Variants in C2CD2 observed in about 807,000 individuals in gnomAD.
C2CD2 encodes C2 calcium dependent domain containing 2, also known as C2 domain-containing protein 2.
C2CD2 carries 43 observed loss-of-function variants against 74.3 expected under a neutral mutation model. The observed-to-expected ratio is 0.58, with a 90% CI of 0.45 to 0.75. The LOEUF (loss-of-function observed/expected upper bound fraction) is 0.75, where lower values mean the gene tolerates loss of function less well. Among genes scored for constraint, C2CD2 ranks in the 30% least tolerant of loss-of-function variants. The probability of loss-of-function intolerance (pLI) is 0.00; values close to 1 mark genes in which losing one functional copy is unlikely to be tolerated. For missense variants in C2CD2, 801 were observed against 916.3 expected, an observed-to-expected ratio of 0.87 and a Z score of 1.63; for synonymous variants, 422 against 390.7, an observed-to-expected ratio of 1.08 and a Z score of -0.94.
chr21:41,911,786 A>G (rs1457245619), intron 7 of C2CD2, among the ~76,000 whole-genome samples: 1 of 151,552 alleles, frequency 6.6e-6, no homozygotes, highest in Non-Finnish European at 1.5e-5. Flanking sequence ...GCTCTCCCAG[A>G]CTCAAGCAAT....
intron 13 of C2CD2, among the ~76,000 whole-genome samples, chr21:41,893,787 C>T (rs989386645): frequency 1.3e-5 from 2 of 150,690 alleles, no homozygotes; most frequent in African/African-American, 2.4e-5. Flanking sequence ...CTGCAACCTC[C>T]GCCTCCCAGG....
At chr21:41,913,191 TACACCAGACAG>T (rs11276275) in intron 6 of C2CD2, among the ~76,000 whole-genome samples, 21,034 of 152,230 alleles carry the variant, frequency 0.14, 1,714 homozygotes, top group Middle Eastern at 0.29. Context: ...TTTCCCGACT[TACACCAGACAG>T]GTGCTGTACC....
chr21:41,905,469 C>T (rs2064949722), intron 11 of C2CD2, among the ~76,000 whole-genome samples: 1 of 152,160 alleles, frequency 6.6e-6, no homozygotes, highest in Non-Finnish European at 1.5e-5. Context: ...TGGCATGCGC[C>T]ACCACGCCCA....
rs116743178 is a variant in C2CD2, at chr21:41,899,234, G to C, written c.1689C>G (p.Ala563=). ...GGGCAAGGGATGCCTGGGCTGACTC[G>C]GCTTCCTCTGGCGGGGCAGAGGCTG... ...RAAASAPPEE[A]ESAQASLAPK... Residue 563 remains alanine, a synonymous_variant, in exon 13 of 14, where the codon GCC becomes GCG. Transcript: ENST00000380486. The surrounding 1 kb of genome is among the most constrained non-coding windows in gnomAD (Gnocchi z 4.4). The C allele has an allele frequency of 3.1e-6, 5 of 1,612,296 alleles. No homozygotes were observed. The highest frequency in any genetic ancestry group is 1.7e-4 in the Middle Eastern group (1 of 6,058).
chr21:41,900,638 T>C (rs1430949771), intron 12 of C2CD2, among the ~76,000 whole-genome samples: 2 of 152,164 alleles, frequency 1.3e-5, no homozygotes, highest in Non-Finnish European at 2.9e-5. Context: ...CTCTGGCACC[T>C]CCAAGGTCCT....
At position 41,899,882 on chromosome 21, in the gene C2CD2, G is replaced by C. The variant is rs1299517239; in HGVS notation, c.1561-520C>G. Among the ~76,000 whole-genome samples, 1 of 151,862 alleles carries C rather than the reference G, an allele frequency of 6.6e-6. No homozygotes were observed. Among genetic ancestry groups the C allele is most frequent in the Non-Finnish European group, 1.5e-5 (1 of 67,966 alleles). ...CTGAGAGTCGGGATAGCGCTTCCTT[G>C]GAGGGGGGAAAGTTTGGGGAGGAGG... On this transcript the variant is annotated intron_variant, in intron 12 of 13. Transcript: ENST00000380486. This position sits in a 1 kb window ranked among gnomAD's most constrained non-coding sequence, Gnocchi z 4.4.
Position 41,905,707 on chromosome 21 carries a change from G to A in C2CD2, c.1432+17C>T, listed in dbSNP as rs754229853. The A allele has an allele frequency of 3.0e-6, 4 of 1,344,114 alleles. No individual in the cohort carries two copies. The highest frequency in any genetic ancestry group is 4.3e-6 in the Non-Finnish European group (4 of 939,232). 83.3% of individuals were successfully genotyped at this position (1,344,114 alleles called of 1,614,324 possible). On this transcript the variant is annotated intron_variant, in intron 11 of 13. Coordinates refer to ENST00000380486, the MANE Select transcript of C2CD2 (RefSeq NM_015500.2). ...AAGGTGCTAAGAGGGAGAGCGACGTGGGCGTGTCTCAGTTACCTGTGTCTG... is the reference window on the plus strand; with the variant it reads ...AAGGTGCTAAGAGGGAGAGCGACGTAGGCGTGTCTCAGTTACCTGTGTCTG...
rs1308048534 is a variant in C2CD2 at position 41,932,090 on chromosome 21, G to A, written c.379-10005C>T. 2.1e-5 allele frequency among the ~76,000 whole-genome samples: 3 copies of A among 143,854 alleles called. 1 individual carries two copies. Among genetic ancestry groups the A allele is most frequent in the Non-Finnish European group, 4.6e-5 (3 of 65,012 alleles). The allele number at this position is 143,854 out of a possible 152,430, so 94.4% of individuals were successfully genotyped here. On this transcript the variant is annotated intron_variant, in intron 2 of 13. Coordinates refer to ENST00000380486, the MANE Select transcript of C2CD2 (RefSeq NM_015500.2). Reference sequence around the variant, plus strand: ...TCCCACCACTCCACCTCCAGGGAGGGCAGAGGGGCTAGAGGTCGCATTCAA... The same window carrying A: ...TCCCACCACTCCACCTCCAGGGAGGACAGAGGGGCTAGAGGTCGCATTCAA...
Position 41,889,026 on chromosome 21 carries a change from G to A in C2CD2, c.*98C>T. The A allele has an allele frequency of 2.3e-6, 2 of 853,392 alleles. No individual in the cohort carries two copies. Among genetic ancestry groups the A allele is most frequent in the Admixed American group, 2.0e-5 (1 of 49,008 alleles). 52.9% of individuals were successfully genotyped at this position (853,392 alleles called of 1,614,324 possible). A position where few individuals can be genotyped will look rare whatever the true frequency, so the allele number is the denominator to read the frequency against. On this transcript the variant is annotated 3_prime_UTR_variant, in exon 14 of 14. Transcript: ENST00000380486. ...TTGGAAGAAACCCAGCAAGACAAGC[G>A]GGGCATCTGGACATCCGGCGGACAC...
At chr21:41,950,500 C>T (rs2065441419) in intron 1 of C2CD2, among the ~76,000 whole-genome samples, 1 of 152,234 alleles carries the variant, frequency 6.6e-6, no homozygotes, top group South Asian at 2.1e-4. Flanking sequence ...AGCAGGAGGA[C>T]TCCTCCGGTG....
chr21:41,927,913 C>A (rs2065229328), intron 2 of C2CD2, among the ~76,000 whole-genome samples: 1 of 152,194 alleles, frequency 6.6e-6, no homozygotes, highest in Non-Finnish European at 1.5e-5. Context: ...AACCTGACTC[C>A]AACCCCGCCC....
Position 41,953,573 on chromosome 21 carries a change from G to A in C2CD2, c.76C>T (p.Leu26=). 6.7e-7 allele frequency: 1 copy of A among 1,500,106 alleles called. No homozygotes were observed. 92.9% of individuals were successfully genotyped at this position (1,500,106 alleles called of 1,614,324 possible). Residue 26 remains leucine, a synonymous_variant, in exon 1 of 14, where the codon CTG becomes TTG. Coordinates refer to ENST00000380486, the MANE Select transcript of C2CD2 (RefSeq NM_015500.2). ...LALVSLFVAA[L]ATVGLYLAQW... Reference sequence around the variant, plus strand: ...GCCAGGTACAGGCCTACCGTGGCCAGGGCCGCGACGAAGAGCGACACCAGC... The same window carrying A: ...GCCAGGTACAGGCCTACCGTGGCCAAGGCCGCGACGAAGAGCGACACCAGC...
chr21:41,935,330 T>A (rs1423032592), intron 2 of C2CD2, among the ~76,000 whole-genome samples: 1 of 152,214 alleles, frequency 6.6e-6, no homozygotes, highest in Non-Finnish European at 1.5e-5. Context: ...CACCAACACA[T>A]GAACAGAGCT....
In C2CD2 at chr21:41,953,495, G is replaced by A; in HGVS notation, c.154C>T (p.Pro52Ser). The A allele has an allele frequency of 2.7e-6, 4 of 1,483,998 alleles. No homozygotes were observed. Among genetic ancestry groups the A allele is most frequent in the Non-Finnish European group, 3.6e-6 (4 of 1,116,560 alleles). The allele number at this position is 1,483,998 out of a possible 1,614,324, so 91.9% of individuals were successfully genotyped here. A position where few individuals can be genotyped will look rare whatever the true frequency, so the allele number is the denominator to read the frequency against. ...RPQPQRRAVE[P>S]GEGPRPGSDA... ...GACCCCGGGCGCGGCCCCTCTCCAG[G>A]CTCCACCGCCCGCCGCTGGGGCTGG... Residue 52 changes from proline to serine, a missense_variant, in exon 1 of 14, where the codon CCT (proline) becomes TCT (serine). Pro to Ser is a moderately conservative substitution (Grantham distance 74, BLOSUM62 -1). Transcript: ENST00000380486.
intron 13 of C2CD2, among the ~76,000 whole-genome samples, chr21:41,890,891 A>G (rs2064744962): frequency 1.3e-5 from 2 of 152,218 alleles, no homozygotes; most frequent in South Asian, 2.1e-4. Flanking sequence ...CCTGACTTCA[A>G]GCAGGAACTA....
intron 2 of C2CD2, among the ~76,000 whole-genome samples, chr21:41,934,274 A>T (rs1312828572): frequency 6.6e-6 from 1 of 152,064 alleles, no homozygotes; most frequent in East Asian, 1.9e-4. Context: ...CAGAAAAAAT[A>T]AAAAAACTAG....
At chr21:41,913,542 T>G (rs569189338) in intron 6 of C2CD2, among the ~76,000 whole-genome samples, 16 of 152,140 alleles carry the variant, frequency 1.1e-4, no homozygotes, top group Non-Finnish European at 1.8e-4. Flanking sequence ...TCCAGGGAGC[T>G]CACGTTTAGC....
chr21:41,921,543 G>A (rs2065154156), intron 3 of C2CD2, among the ~76,000 whole-genome samples: 1 of 152,140 alleles, frequency 6.6e-6, no homozygotes, highest in African/African-American at 2.4e-5. Flanking sequence ...ATAATAAGGG[G>A]GTTCTTTTTA....
rs1386977720 is a variant in C2CD2 at position 41,924,872 on chromosome 21, TC to T, written c.379-2788del. Among the ~76,000 whole-genome samples the T allele has an allele frequency of 2.0e-5, 3 of 152,090 alleles. No homozygotes were observed. The highest frequency in any genetic ancestry group is 7.2e-5 in the African/African-American group (3 of 41,410). On this transcript the variant is annotated intron_variant, in intron 2 of 13. Coordinates refer to ENST00000380486, the MANE Select transcript of C2CD2 (RefSeq NM_015500.2). This position sits in a 1 kb window ranked among gnomAD's most constrained non-coding sequence, Gnocchi z 4.4. Reference sequence around the variant, plus strand: ...TTCGTATCCAGTTCTGCAGAAAGCTTCCCACCACGCACTCCCTGATACACAG... The same window carrying T: ...TTCGTATCCAGTTCTGCAGAAAGCTTCCACCACGCACTCCCTGATACACAG...
Sources: gnomAD v4.1 joint callset for allele counts (sites outside exome capture counted in the v4.1 genomes callset) on GRCh38, gnomAD v4.1.1 for gene constraint, Gnocchi (gnomAD v3.1) non-coding constraint, MANE v1.5 for transcripts, NCBI Gene and HGNC (gene_info 2026-07-23, HGNC 2026-07-21) for gene names.